The following RIMS2 variants were observed in gnomAD, a reference collection of about 807,000 sequenced individuals.
RIMS2 encodes regulating synaptic membrane exocytosis protein 2.
A neutral mutation model predicts 174.4 loss-of-function variants in RIMS2; 59 were observed. The ratio of observed to expected loss-of-function variants is 0.34; its 90% CI spans 0.27 to 0.42. The LOEUF is 0.42. Among genes scored for constraint, RIMS2 ranks in the 10% least tolerant of loss-of-function variants. RIMS2 has a pLI of 1.00. For missense variants in RIMS2, 1,620 were observed against 1,666.3 expected (o/e 0.97, Z 0.48); for synonymous variants, 606 against 572.5 (o/e 1.06, Z -0.84).
chr8:103,519,115 C>T (rs1830426323), intron 1 of RIMS2, among the ~76,000 whole-genome samples: 2 of 152,094 alleles, frequency 1.3e-5, no homozygotes, highest in East Asian at 1.9e-4. Flanking sequence ...GTTTCTGGAG[C>T]ATTGAAGGGG....
In RIMS2 at chr8:103,860,636, G is replaced by A. The variant is rs538701505; in HGVS notation, c.699-24662G>A. Reference sequence around the variant, plus strand: ...TTATTGTTAGCCATTTGAGGGCTTAGTGAAAGAGTGCATACACTAGGAGGT... The same window carrying A: ...TTATTGTTAGCCATTTGAGGGCTTAATGAAAGAGTGCATACACTAGGAGGT... On this transcript the variant is annotated intron_variant, in intron 3 of 23. Transcript: ENST00000504942. Among the ~76,000 whole-genome samples, 15 of 151,906 alleles carry A rather than the reference G, an allele frequency of 9.9e-5. 1 individual carries two copies. The highest frequency in any genetic ancestry group is 3.4e-4 in the African/African-American group (14 of 41,346).
At chr8:103,707,761 A>G (rs1318240393) in intron 2 of RIMS2, among the ~76,000 whole-genome samples, 1 of 152,192 alleles carries the variant, frequency 6.6e-6, no homozygotes, top group Non-Finnish European at 1.5e-5. Flanking sequence ...GACCCTGGCC[A>G]CTATTGCCTG....
chr8:103,641,273 T>C (rs951536774), intron 1 of RIMS2, among the ~76,000 whole-genome samples: 2 of 152,164 alleles, frequency 1.3e-5, no homozygotes, highest in Non-Finnish European at 2.9e-5. Context: ...ATACAAATTT[T>C]AGAGGTGTAT....
At chr8:103,570,529 G>A (rs1587983720) in intron 1 of RIMS2, among the ~76,000 whole-genome samples, 1 of 152,248 alleles carries the variant, frequency 6.6e-6, no homozygotes, top group East Asian at 1.9e-4. Flanking sequence ...GCAGGAGATT[G>A]TAAATGTGTT....
intron 3 of RIMS2, among the ~76,000 whole-genome samples, chr8:103,857,298 G>A (rs893219655): frequency 1.3e-5 from 2 of 152,100 alleles, no homozygotes; most frequent in African/African-American, 4.8e-5. Flanking sequence ...TGCTTATTTT[G>A]TTATGAATAA....
chr8:103,946,276 G>A (rs1292958017), intron 14 of RIMS2, among the ~76,000 whole-genome samples: 1 of 152,188 alleles, frequency 6.6e-6, no homozygotes, highest in Non-Finnish European at 1.5e-5. Flanking sequence ...CAGATCACTT[G>A]AAGTCAGGAG....
At chr8:104,240,804 C>G (rs2099285948) in intron 19 of RIMS2, among the ~76,000 whole-genome samples, 1 of 152,084 alleles carries the variant, frequency 6.6e-6, no homozygotes, top group Admixed American at 6.6e-5. Flanking sequence ...ACCTAGAATA[C>G]ATAGTTTCAA....
chr8:103,998,197 T>C (rs774147101), intron 17 of RIMS2: 3 of 1,607,216 alleles, frequency 1.9e-6, no homozygotes, highest in East Asian at 2.2e-5. Flanking sequence ...ATTTTCTTAC[T>C]CTACCTCGCT....
intron 3 of RIMS2, among the ~76,000 whole-genome samples, chr8:103,774,266 A>G (rs1192878986): frequency 6.6e-6 from 1 of 152,248 alleles, no homozygotes; most frequent in Non-Finnish European, 1.5e-5. Flanking sequence ...AAAGTGTTTG[A>G]CAGTTTCTTA....
intron 17 of RIMS2, chr8:103,998,081 C>A: frequency 1.2e-6 from 1 of 807,776 alleles, no homozygotes; most frequent in Non-Finnish European, 2.0e-6. Flanking sequence ...GCTTTGCTTA[C>A]TGTCTGCCTA....
chr8:103,555,529 A>G lies in RIMS2; in HGVS notation c.176+54467A>G, dbSNP rs570665977. ...GTTTAACCAAGTATATATCCAAACT[A>G]TATGATTTCAGTGTGTCAAAGAGAT... On this transcript the variant is annotated intron_variant, in intron 1 of 23. Coordinates refer to ENST00000504942, the Ensembl canonical transcript of RIMS2. Among the ~76,000 whole-genome samples, 34 of 152,188 alleles carry G rather than the reference A, an allele frequency of 2.2e-4. No homozygotes were observed. In the East Asian group the frequency reaches 4.1e-3, roughly 18 times the overall value.
At chr8:103,500,864 A>G (rs1313065600) in exon 1 of RIMS2, 2 of 1,553,620 alleles carry the variant, frequency 1.3e-6, no homozygotes, top group South Asian at 2.4e-5. Context: ...CCGCTTCCCT[A>G]GGGTGGTTCG....
intron 2 of RIMS2, among the ~76,000 whole-genome samples, chr8:103,728,750 T>C (rs1384716687): frequency 1.6e-5 from 1 of 62,266 alleles, no homozygotes; most frequent in Non-Finnish European, 3.4e-5. Flanking sequence ...TGCTCCTTCT[T>C]TTTTTTTTTT....
intron 15 of RIMS2, among the ~76,000 whole-genome samples, chr8:103,961,410 G>T (rs1386054972): frequency 6.6e-6 from 1 of 152,016 alleles, no homozygotes; most frequent in Non-Finnish European, 1.5e-5. Flanking sequence ...TAAATTGGAG[G>T]AGTTCTTGCA....
intron 3 of RIMS2, among the ~76,000 whole-genome samples, chr8:103,860,683 A>T (rs1594025896): frequency 6.6e-6 from 1 of 151,958 alleles, no homozygotes; most frequent in Non-Finnish European, 1.5e-5. Flanking sequence ...TAAAAAAAAA[A>T]GTATGTGGGA....
At chr8:104,102,170 C>T (rs1440845493) in intron 19 of RIMS2, among the ~76,000 whole-genome samples, 1 of 152,208 alleles carries the variant, frequency 6.6e-6, no homozygotes, top group Non-Finnish European at 1.5e-5. Context: ...TGCACATCTT[C>T]CTGTATGTCC....
chr8:103,583,917 A>G (rs888272327), intron 1 of RIMS2, among the ~76,000 whole-genome samples: 1 of 135,808 alleles, frequency 7.4e-6, no homozygotes, highest in Non-Finnish European at 1.5e-5. Context: ...ACAATGGGAT[A>G]ATAACAACTT....
chr8:103,741,505 T>A (rs2097761446), intron 2 of RIMS2, among the ~76,000 whole-genome samples: 1 of 152,054 alleles, frequency 6.6e-6, no homozygotes. Context: ...AGCAAAGAAT[T>A]GAAGACACCA....
At chr8:103,912,847 A>C (rs369630859) in intron 6 of RIMS2, among the ~76,000 whole-genome samples, 1 of 152,014 alleles carries the variant, frequency 6.6e-6, no homozygotes, top group South Asian at 2.1e-4. Flanking sequence ...GCTGGGTGTC[A>C]TGGTTCATGC....
Sources: gnomAD v4.1 joint callset for allele counts (sites outside exome capture counted in the v4.1 genomes callset) on GRCh38, gnomAD v4.1.1 for gene constraint, MANE v1.5 for transcripts, NCBI Gene and HGNC (gene_info 2026-07-23, HGNC 2026-07-21) for gene names.